Variants in IRAK1BP1 observed in about 807,000 individuals in gnomAD.
The protein encoded by IRAK1BP1 is interleukin-1 receptor-associated kinase 1-binding protein 1.
A neutral mutation model predicts 28.0 loss-of-function variants in IRAK1BP1; 24 were observed. The ratio of observed to expected loss-of-function variants is 0.86; its 90% CI spans 0.62 to 1.20. The LOEUF (loss-of-function observed/expected upper bound fraction) is 1.20, where lower values mean the gene tolerates loss of function less well. IRAK1BP1 is among the 50% of genes most tolerant of loss of function. The pLI is 0.00. For synonymous variants in IRAK1BP1, 131 were observed against 116.3 expected, an observed-to-expected ratio of 1.13 and a Z score of -0.81; for missense variants, 336 against 316.7, an observed-to-expected ratio of 1.06 and a Z score of -0.46.
intron 2 of IRAK1BP1, among the ~76,000 whole-genome samples, chr6:78,890,831 T>C (rs533011517): frequency 3.9e-5 from 6 of 152,340 alleles, no homozygotes; most frequent in African/African-American, 1.4e-4. Context: ...CAGACAGGGC[T>C]GACCAGAAGT....
the IRAK1BP1 span, among the ~76,000 whole-genome samples, chr6:78,968,695 A>G: frequency 2.6e-5 from 4 of 151,872 alleles, no homozygotes; most frequent in Non-Finnish European, 4.4e-5. Context: ...GCAAAACAGC[A>G]TATAATTCCT....
At position 78,902,675 on chromosome 6, in the gene IRAK1BP1, G is replaced by A. The variant is rs1772142531; in HGVS notation, c.*4341G>A. 3 of 227,224 alleles carry A rather than the reference G, an allele frequency of 1.3e-5. No homozygotes were observed. Among genetic ancestry groups the A allele is most frequent in the Non-Finnish European group, 1.7e-5 (2 of 116,280 alleles). 14.1% of individuals were successfully genotyped at this position (227,224 alleles called of 1,614,324 possible). A position where few individuals can be genotyped will look rare whatever the true frequency, so the allele number is the denominator to read the frequency against. ...AATCTCAGCTACCGGGGAGGCTGAAGCAGAAGAAACGCTCGAACCTGGGAG... is the reference window on the plus strand; with the variant it reads ...AATCTCAGCTACCGGGGAGGCTGAAACAGAAGAAACGCTCGAACCTGGGAG... On this transcript the variant is annotated 3_prime_UTR_variant, in exon 4 of 4. Coordinates refer to ENST00000369940, the MANE Select transcript of IRAK1BP1 (RefSeq NM_001010844.4).
At chr6:78,878,787 G>C (rs550570038) in intron 1 of IRAK1BP1, among the ~76,000 whole-genome samples, 2 of 152,092 alleles carry the variant, frequency 1.3e-5, no homozygotes, top group Non-Finnish European at 2.9e-5. Context: ...TAGAATAAAC[G>C]GCGTAGAGAA....
intron 2 of IRAK1BP1, among the ~76,000 whole-genome samples, chr6:78,888,396 A>G (rs1771505760): frequency 6.6e-6 from 1 of 152,200 alleles, no homozygotes; most frequent in Non-Finnish European, 1.5e-5. Context: ...GACGTGATAG[A>G]TAGGTTTTTT....
At chr6:78,951,503 GT>G in the IRAK1BP1 span, among the ~76,000 whole-genome samples, 1 of 152,150 alleles carries the variant, frequency 6.6e-6, no homozygotes, top group Non-Finnish European at 1.5e-5. Context: ...GGATGATACA[GT>G]TAATTCTGAA....
chr6:78,867,771 T>C lies in IRAK1BP1; in HGVS notation c.195T>C (p.Pro65=). Residue 65 remains proline (P), a synonymous_variant, in exon 1 of 4, where the codon CCT becomes CCC. Transcript: ENST00000369940. ...VSGTSEVSAG[P]DRAQVVVRVS... ...GCACCTCAGAAGTGTCTGCGGGCCCTGACCGGGCGCAGGTGGTGGTGCGAG... is the reference window on the plus strand; with the variant it reads ...GCACCTCAGAAGTGTCTGCGGGCCCCGACCGGGCGCAGGTGGTGGTGCGAG... 1 of 1,613,984 alleles carries C rather than the reference T, an allele frequency of 6.2e-7. No homozygotes were observed. Among genetic ancestry groups the C allele is most frequent in the South Asian group, 1.1e-5 (1 of 91,070 alleles).
At chr6:78,904,223 G>C (rs1279609747), downstream of IRAK1BP1, among the ~76,000 whole-genome samples, 1 of 152,188 alleles carries the variant, frequency 6.6e-6, no homozygotes, top group African/African-American at 2.4e-5. Flanking sequence ...AAAGTAGTTT[G>C]TGGCTATGCA....
intron 1 of IRAK1BP1, among the ~76,000 whole-genome samples, chr6:78,878,213 C>A (rs1415191886): frequency 6.6e-6 from 1 of 152,144 alleles, no homozygotes; most frequent in Non-Finnish European, 1.5e-5. Context: ...GTCTCTGACC[C>A]CCGAGTAGCC....
intron 1 of IRAK1BP1, among the ~76,000 whole-genome samples, chr6:78,884,041 T>C (rs1387027433): frequency 2.0e-5 from 3 of 152,230 alleles, no homozygotes; most frequent in Admixed American, 2.0e-4. Context: ...ACTACCGTAC[T>C]GTTTTGTACT....
At chr6:78,946,758 C>T (rs141705771), downstream of IRAK1BP1, 2 of 1,590,090 alleles carry the variant, frequency 1.3e-6, no homozygotes, top group Non-Finnish European at 1.7e-6. Context: ...TTCTTTTCTT[C>T]CTCCTTTTGG....
At chr6:78,955,495 A>G in the IRAK1BP1 span, 3 of 548,208 alleles carry the variant, frequency 5.5e-6, no homozygotes, top group Non-Finnish European at 9.7e-6. Flanking sequence ...TTTTTTTTTA[A>G]ATTAACTACA....
rs1772036418 is a variant in IRAK1BP1, at chr6:78,899,945, A to G, written c.*1611A>G. On this transcript the variant is annotated 3_prime_UTR_variant, in exon 4 of 4. Transcript: ENST00000369940. ...ATCTCAATTCACATGCTAAATTTTC[A>G]TCAGAAATATTTTATCTGTATTTAA... The G allele has an allele frequency of 6.6e-6, 1 of 152,198 alleles. No individual in the cohort carries two copies. Among genetic ancestry groups the G allele is most frequent in the African/African-American group, 2.4e-5 (1 of 41,458 alleles). The allele number at this position is 152,198 out of a possible 1,614,324, so 9.4% of individuals were successfully genotyped here.
intron 4 of IRAK1BP1, among the ~76,000 whole-genome samples, chr6:78,942,744 C>T (rs2127679238): frequency 6.6e-6 from 1 of 152,230 alleles, no homozygotes; most frequent in Admixed American, 6.5e-5. Flanking sequence ...TTCTAAATAT[C>T]CAGTACATGT....
intron 1 of IRAK1BP1, among the ~76,000 whole-genome samples, chr6:78,884,794 C>G (rs1196865237): frequency 6.6e-6 from 1 of 152,064 alleles, no homozygotes. Context: ...AACACTGACA[C>G]TCAACATTAA....
chr6:78,945,614 G>A, exon 5 of IRAK1BP1: 2 of 684,930 alleles, frequency 2.9e-6, no homozygotes, highest in Non-Finnish European at 5.0e-6. Context: ...GATGCTTAAA[G>A]CTTTCTTAGG....
At chr6:78,924,421 A>G (rs1772829867) in intron 4 of IRAK1BP1, among the ~76,000 whole-genome samples, 1 of 152,204 alleles carries the variant, frequency 6.6e-6, no homozygotes, top group African/African-American at 2.4e-5. Context: ...TGAGGCAATA[A>G]TTAATAGCCT....
At chr6:78,869,365 C>G (rs1770710645) in intron 1 of IRAK1BP1, among the ~76,000 whole-genome samples, 1 of 151,990 alleles carries the variant, frequency 6.6e-6, no homozygotes, top group South Asian at 2.1e-4. Context: ...AGTAAAAATA[C>G]AAAAATTAGG....
the IRAK1BP1 span, among the ~76,000 whole-genome samples, chr6:78,977,650 G>A: frequency 6.6e-6 from 1 of 152,080 alleles, no homozygotes; most frequent in African/African-American, 2.4e-5. Context: ...CATTCAACAA[G>A]GAATTACAAA....
the IRAK1BP1 span, among the ~76,000 whole-genome samples, chr6:78,976,202 G>T: frequency 2.0e-5 from 3 of 149,240 alleles, no homozygotes; most frequent in Non-Finnish European, 4.5e-5. Flanking sequence ...ACAGAACAGA[G>T]CCCTCAGAAA....
Sources: allele counts gnomAD v4.1 joint callset (sites outside exome capture counted in the v4.1 genomes callset), GRCh38; gene constraint gnomAD v4.1.1; transcripts MANE v1.5; gene names NCBI Gene and HGNC (gene_info 2026-07-23, HGNC 2026-07-21).